TMEM232: variants seen among roughly 807,000 people sequenced by gnomAD.
The protein encoded by TMEM232 is transmembrane protein 232.
In TMEM232, 80 loss-of-function variants were observed where a neutral mutation model predicts 78.8. That is an observed-to-expected ratio of 1.01 (90% CI 0.85 to 1.22). TMEM232 has a LOEUF of 1.22. Ranked by LOEUF, TMEM232 falls within the 50% of genes most tolerant of loss-of-function variation. TMEM232 has a pLI of 0.00. For synonymous variants in TMEM232, 297 were observed against 254.3 expected (o/e 1.17, Z -1.60); for missense variants, 881 against 742.2 (o/e 1.19, Z -2.17).
chr5:110,424,804 A>G lies in TMEM232; in HGVS notation c.1797+19T>C, dbSNP rs762581559. ...AGGAACAAAGCTTTTGCTGCTAGTT[A>G]AAAAAAAATCAATCTTACGTGATGG... On this transcript the variant is annotated intron_variant, in intron 13 of 13. Transcript: ENST00000455884. 1.4e-6 allele frequency: 2 copies of G among 1,423,432 alleles called. No homozygotes were observed. The highest frequency in any genetic ancestry group is 4.5e-5 in the Admixed American group (2 of 44,778). 88.2% of individuals were successfully genotyped at this position (1,423,432 alleles called of 1,614,324 possible). A position where few individuals can be genotyped will look rare whatever the true frequency, so the allele number is the denominator to read the frequency against.
intron 11 of TMEM232, among the ~76,000 whole-genome samples, chr5:110,559,557 G>A (rs878906996): frequency 4.6e-5 from 7 of 152,064 alleles, no homozygotes; most frequent in African/African-American, 1.7e-4. Flanking sequence ...CAAAATGGCC[G>A]ATAAGCAAAC....
chr5:110,723,446 T>C (rs142736729), intron 1 of TMEM232, among the ~76,000 whole-genome samples: 1,847 of 152,328 alleles, frequency 0.012, 47 homozygotes, highest in African/African-American at 0.042. Flanking sequence ...TCTTGGCTAG[T>C]ACATTGATCA....
chr5:110,573,729 T>C (rs923043013), intron 10 of TMEM232, among the ~76,000 whole-genome samples: 1 of 151,932 alleles, frequency 6.6e-6, no homozygotes, highest in East Asian at 2.0e-4. Context: ...CATGAGGAGG[T>C]GATATTCAAG....
chr5:110,463,971 T>C (rs1215918760), intron 12 of TMEM232, among the ~76,000 whole-genome samples: 1 of 152,228 alleles, frequency 6.6e-6, no homozygotes, highest in African/African-American at 2.4e-5. Flanking sequence ...ATACTCATCT[T>C]CCAGGTATTC....
chr5:110,580,936 C>T (rs527344438), intron 10 of TMEM232, among the ~76,000 whole-genome samples: 4 of 151,540 alleles, frequency 2.6e-5, no homozygotes, highest in East Asian at 3.9e-4. Context: ...AAATACAATA[C>T]CTAGGAATAG....
At chr5:110,640,760 A>T (rs1277415027) in intron 4 of TMEM232, 131 bp downstream of exon 4, 2 of 469,240 alleles carry the variant, frequency 4.3e-6, no homozygotes, top group African/African-American at 2.0e-5. Flanking sequence ...TTCATAATAA[A>T]ATGTATTTTG....
chr5:110,454,869 C>A (rs992242967), intron 12 of TMEM232, among the ~76,000 whole-genome samples: 3 of 146,928 alleles, frequency 2.0e-5, no homozygotes, highest in East Asian at 2.0e-4. Flanking sequence ...GTGAAAAAAA[C>A]AATAGAGTAA....
intron 1 of TMEM232, among the ~76,000 whole-genome samples, chr5:110,723,594 T>C (rs1797871449): frequency 1.3e-5 from 2 of 152,134 alleles, no homozygotes; most frequent in African/African-American, 4.8e-5. Flanking sequence ...TTACTTCTGT[T>C]TACACAACTC....
chr5:110,497,674 T>C (rs1313565669), intron 12 of TMEM232, among the ~76,000 whole-genome samples: 3 of 152,124 alleles, frequency 2.0e-5, no homozygotes, highest in African/African-American at 7.2e-5. Context: ...CTCCATGCTT[T>C]CTCCAGTGTA....
chr5:110,638,429 T>G (rs1786197793), intron 4 of TMEM232, 74 bp from the exon 5 acceptor site: 3 of 1,364,600 alleles, frequency 2.2e-6, no homozygotes. Context: ...AATTACTTTT[T>G]GTAATTATTT....
chr5:110,417,765 T>A (rs1360414396), downstream of TMEM232: 1 of 152,070 alleles, frequency 6.6e-6, no homozygotes, highest in African/African-American at 2.4e-5. Flanking sequence ...TTAACTAGTG[T>A]CTTTCATCTC....
At chr5:110,738,291 A>T (rs918454580), upstream of TMEM232, 6 of 1,263,482 alleles carry the variant, frequency 4.7e-6, no homozygotes, top group Admixed American at 1.5e-4. Context: ...TTATTCAATT[A>T]GAGGTCCCAA....
At chr5:110,428,509 G>A (rs1195103346) in intron 12 of TMEM232, among the ~76,000 whole-genome samples, 1 of 151,680 alleles carries the variant, frequency 6.6e-6, no homozygotes, top group Non-Finnish European at 1.5e-5. Flanking sequence ...GTCTCTGTGG[G>A]AGGTCTAGGA....
At chr5:110,542,618 T>A (rs1295216089) in intron 11 of TMEM232, among the ~76,000 whole-genome samples, 1 of 151,838 alleles carries the variant, frequency 6.6e-6, no homozygotes, top group Non-Finnish European at 1.5e-5. Context: ...GTCCTTCTGC[T>A]CCCCATAAAG....
chr5:110,612,903 C>T (rs1031478897), intron 8 of TMEM232, among the ~76,000 whole-genome samples: 2 of 152,060 alleles, frequency 1.3e-5, no homozygotes, highest in African/African-American at 4.8e-5. Flanking sequence ...GCAAATAGTG[C>T]CGTTTATAAA....
Position 110,667,390 on chromosome 5 carries a change from A to C in TMEM232, c.-12-26T>G, listed in dbSNP as rs775566829. On this transcript the variant is annotated intron_variant, in intron 1 of 13. Transcript: ENST00000455884. The stretch of plus-strand genomic sequence containing the variant: ...CTAAAAGGAATATTAAATGTATGTT[A>C]GCATACAAATGCACTCATAGTATCA... The C allele has an allele frequency of 8.9e-6, 13 of 1,466,392 alleles. No homozygotes were observed. In the East Asian group the frequency reaches 3.4e-4, roughly 39 times the overall value. The allele number at this position is 1,466,392 out of a possible 1,614,324, so 90.8% of individuals were successfully genotyped here.
intron 10 of TMEM232, among the ~76,000 whole-genome samples, chr5:110,603,221 A>T (rs1458968216): frequency 6.6e-6 from 1 of 152,082 alleles, no homozygotes; most frequent in Non-Finnish European, 1.5e-5. Context: ...GATGGGTTTT[A>T]AAACCACCAC....
intron 10 of TMEM232, among the ~76,000 whole-genome samples, chr5:110,583,474 C>T (rs902926415): frequency 2.0e-5 from 3 of 151,886 alleles, no homozygotes; most frequent in Non-Finnish European, 4.4e-5. Flanking sequence ...TTATGCTATA[C>T]ACAAAAATCA....
intron 12 of TMEM232, among the ~76,000 whole-genome samples, chr5:110,525,079 C>G (rs973304257): frequency 1.3e-4 from 19 of 151,402 alleles, no homozygotes; most frequent in African/African-American, 4.6e-4. Context: ...TAATATAAAA[C>G]TGCTTAATAA....
Sources: allele counts gnomAD v4.1 joint callset (sites outside exome capture counted in the v4.1 genomes callset), GRCh38; gene constraint gnomAD v4.1.1; transcripts MANE v1.5; gene names NCBI Gene and HGNC (gene_info 2026-07-23, HGNC 2026-07-21).